The following KIF26B variants were observed in gnomAD, a reference collection of about 807,000 sequenced individuals.
The protein encoded by KIF26B is kinesin family member 26B, also known as kinesin-like protein KIF26B.
In KIF26B, 63 loss-of-function variants were observed where a neutral mutation model predicts 151.2. The observed-to-expected ratio is 0.42, with a 90% confidence interval of 0.34 to 0.51. The LOEUF (loss-of-function observed/expected upper bound fraction) is 0.51. Among genes scored for constraint, KIF26B ranks in the 20% least tolerant of loss-of-function variants. KIF26B has a pLI of 0.07. For synonymous variants in KIF26B, 1,357 were observed against 1,262.1 expected, an observed-to-expected ratio of 1.08 and a Z score of -1.59; for missense variants, 2,813 against 2,913.6, an observed-to-expected ratio of 0.97 and a Z score of 0.79.
At chr1:245,245,383 A>G (rs1331984313) in intron 2 of KIF26B, among the ~76,000 whole-genome samples, 1 of 152,104 alleles carries the variant, frequency 6.6e-6, no homozygotes, top group Non-Finnish European at 1.5e-5. Flanking sequence ...CCCTTTCTGA[A>G]TGGGGTGATG....
intron 3 of KIF26B, among the ~76,000 whole-genome samples, chr1:245,406,702 A>G (rs1674142983): frequency 6.6e-6 from 1 of 152,200 alleles, no homozygotes; most frequent in Admixed American, 6.5e-5. Context: ...CCACTCTGCA[A>G]CAGTTACATA....
Position 245,561,170 on chromosome 1 carries a change from A to G in KIF26B, c.1350+20220A>G, listed in dbSNP as rs368396464. On this transcript the variant is annotated intron_variant, in intron 5 of 14. Transcript: ENST00000407071. Reference sequence around the variant, plus strand: ...CAGACAGGAGGCAGTGCTGAAATTCAACAGCACAAAGCAATTTCCAGCTTC... The same window carrying G: ...CAGACAGGAGGCAGTGCTGAAATTCGACAGCACAAAGCAATTTCCAGCTTC... 9.9e-4 allele frequency among the ~76,000 whole-genome samples: 151 copies of G among 152,346 alleles called. 2 individuals carry two copies. The South Asian group carries it at 0.03, about 30-fold the overall frequency.
At chr1:245,695,384 T>A (rs1450680502) in intron 12 of KIF26B, among the ~76,000 whole-genome samples, 1 of 152,008 alleles carries the variant, frequency 6.6e-6, no homozygotes, top group African/African-American at 2.4e-5. Context: ...TCCCTCACCA[T>A]CACCTAAGTG....
At chr1:245,433,418 G>A (rs1658827828) in intron 4 of KIF26B, among the ~76,000 whole-genome samples, 2 of 150,264 alleles carry the variant, frequency 1.3e-5, no homozygotes, top group Non-Finnish European at 3.0e-5. Context: ...AGTGAGCCGA[G>A]ATTGCGCCAC....
intron 2 of KIF26B, among the ~76,000 whole-genome samples, chr1:245,346,585 A>G (rs1015294154): frequency 6.6e-6 from 1 of 152,206 alleles, no homozygotes; most frequent in South Asian, 2.1e-4. Context: ...GTTCTTGTAG[A>G]CAATCCTTCG....
intron 4 of KIF26B, among the ~76,000 whole-genome samples, chr1:245,476,888 A>T (rs1458854490): frequency 1.3e-5 from 2 of 151,612 alleles, no homozygotes; most frequent in Admixed American, 1.3e-4. Context: ...CAATACATGC[A>T]CCCCCATAGT....
At chr1:245,637,211 T>C (rs547497328) in intron 9 of KIF26B, among the ~76,000 whole-genome samples, 1 of 152,188 alleles carries the variant, frequency 6.6e-6, no homozygotes, top group African/African-American at 2.4e-5. Context: ...CCATTGTAAC[T>C]GAGGTGAGAT....
At chr1:245,284,921 C>T (rs1233913239) in intron 2 of KIF26B, among the ~76,000 whole-genome samples, 1 of 152,178 alleles carries the variant, frequency 6.6e-6, no homozygotes. Context: ...TGCCTGTAAT[C>T]CCAGCTGCTC....
At chr1:245,306,405 A>G (rs1350736462) in intron 2 of KIF26B, among the ~76,000 whole-genome samples, 1 of 152,184 alleles carries the variant, frequency 6.6e-6, no homozygotes, top group East Asian at 1.9e-4. Context: ...ATGCATATGG[A>G]ATTTATTTTA....
intron 2 of KIF26B, among the ~76,000 whole-genome samples, chr1:245,365,751 G>A (rs1672934630): frequency 6.6e-6 from 1 of 152,134 alleles, no homozygotes; most frequent in Admixed American, 6.5e-5. Context: ...CCCCACGAAC[G>A]GAGTCATGGA....
intron 5 of KIF26B, among the ~76,000 whole-genome samples, chr1:245,578,129 A>C (rs914367681): frequency 6.6e-6 from 1 of 152,232 alleles, no homozygotes; most frequent in African/African-American, 2.4e-5. Context: ...CACTGACTCA[A>C]CTTCTGTGAT....
intron 5 of KIF26B, among the ~76,000 whole-genome samples, chr1:245,554,234 C>T (rs527432233): frequency 6.6e-6 from 1 of 152,300 alleles, no homozygotes; most frequent in Non-Finnish European, 1.5e-5. Context: ...AGTCTTTAGG[C>T]TACTTGAGGG....
chr1:245,264,521 G>A (rs1002948224), intron 2 of KIF26B, among the ~76,000 whole-genome samples: 2 of 151,666 alleles, frequency 1.3e-5, no homozygotes, highest in African/African-American at 4.8e-5. Flanking sequence ...GTTATTCAAA[G>A]AAAATGGAAA....
chr1:245,437,867 C>T (rs1318319138), intron 4 of KIF26B, among the ~76,000 whole-genome samples: 2 of 152,208 alleles, frequency 1.3e-5, no homozygotes, highest in Non-Finnish European at 2.9e-5. Flanking sequence ...ATCAGTGATT[C>T]ACCTTGTGTC....
intron 2 of KIF26B, among the ~76,000 whole-genome samples, chr1:245,210,576 G>A (rs1033019721): frequency 2.2e-5 from 3 of 138,160 alleles, no homozygotes; most frequent in Non-Finnish European, 3.1e-5. Flanking sequence ...AGGAAAAAAC[G>A]TATTTTAAAA....
chr1:245,283,659 A>C (rs1671106369), intron 2 of KIF26B, among the ~76,000 whole-genome samples: 1 of 151,182 alleles, frequency 6.6e-6, no homozygotes, highest in Admixed American at 6.6e-5. Flanking sequence ...GGTGAAAAAG[A>C]ACATCCATTT....
At chr1:245,333,160 G>A (rs1004248159) in intron 2 of KIF26B, among the ~76,000 whole-genome samples, 2 of 152,168 alleles carry the variant, frequency 1.3e-5, no homozygotes, top group African/African-American at 4.8e-5. Flanking sequence ...CAGCACATTA[G>A]CCACGATTAG....
At chr1:245,609,693 C>T (rs1351382292) in intron 8 of KIF26B, among the ~76,000 whole-genome samples, 165 bp downstream of exon 8, 4 of 152,126 alleles carry the variant, frequency 2.6e-5, no homozygotes, top group African/African-American at 9.7e-5. Flanking sequence ...GGGCCATCGG[C>T]TTGCCCAGTC....
At chr1:245,404,249 A>G (rs1674080571) in intron 3 of KIF26B, among the ~76,000 whole-genome samples, 1 of 151,198 alleles carries the variant, frequency 6.6e-6, no homozygotes, top group African/African-American at 2.4e-5. Context: ...CTTTTAACTC[A>G]GGATTAGATG....
Sources: gnomAD v4.1 joint callset for allele counts (sites outside exome capture counted in the v4.1 genomes callset) on GRCh38, gnomAD v4.1.1 for gene constraint, MANE v1.5 for transcripts, NCBI Gene and HGNC (gene_info 2026-07-23, HGNC 2026-07-21) for gene names.